POC1B: variants seen among roughly 807,000 people sequenced by gnomAD.
The protein encoded by POC1B is POC1 centriolar protein B, also known as POC1 centriolar protein homolog B.
Under a neutral mutation model 60.6 loss-of-function variants are expected in POC1B, and 44 were observed. The observed-to-expected ratio is 0.73, with a 90% confidence interval of 0.57 to 0.93. The LOEUF is 0.93. Among genes scored for constraint, POC1B ranks in the 40% least tolerant of loss-of-function variants. The pLI is 0.00. For synonymous variants in POC1B, 180 were observed against 198.9 expected (o/e 0.90, Z 0.80); for missense variants, 555 against 572.3 (o/e 0.97, Z 0.31).
rs1882898663 is a variant in POC1B at position 89,471,621 on chromosome 12, A to G, written c.669T>C (p.His223=). Residue 223 remains histidine, a synonymous_variant, in exon 6 of 12, where the codon CAT becomes CAC. Transcript: ENST00000313546. The stretch of plus-strand genomic sequence containing the variant: ...TGTTAGGAAAATTGTTACCTTGGTA[A>G]TGCTGTAGTAATTTGTTCACTCTTA... The part of the protein sequence containing the change: ...WDVRVNKLLQ[H]YQVHSGGVNC... The G allele has an allele frequency of 6.2e-7, 1 of 1,606,346 alleles. No homozygotes were observed. Among genetic ancestry groups the G allele is most frequent in the Non-Finnish European group, 8.5e-7 (1 of 1,174,888 alleles).
intron 10 of POC1B, among the ~76,000 whole-genome samples, chr12:89,452,182 A>C (rs554884495): frequency 2.0e-5 from 3 of 152,236 alleles, no homozygotes; most frequent in Non-Finnish European, 4.4e-5. Flanking sequence ...CAGCTGTGGG[A>C]ACTGGGGATG....
Position 89,522,889 on chromosome 12 carries a change from G to C in POC1B, c.100+2231C>G, listed in dbSNP as rs200159499. 8.1e-6 allele frequency: 13 copies of C among 1,613,298 alleles called. No homozygotes were observed. In the South Asian group the frequency reaches 1.3e-4, roughly 16 times the overall value. Reference sequence around the variant, plus strand: ...CATTTGTACATCAGGTCGGCCCTCCGGTGTCCGATAAGCACTAAGACACAG... The same window carrying C: ...CATTTGTACATCAGGTCGGCCCTCCCGTGTCCGATAAGCACTAAGACACAG... On this transcript the variant is annotated intron_variant, in intron 2 of 11. Transcript: ENST00000313546.
chr12:89,451,623 T>A (rs1392588254), intron 10 of POC1B, among the ~76,000 whole-genome samples: 1 of 152,316 alleles, frequency 6.6e-6, no homozygotes, highest in Non-Finnish European at 1.5e-5. Context: ...TGGGCCTTAA[T>A]AACCAGTTCA....
At chr12:89,491,567 T>C (rs1212718773) in intron 4 of POC1B, among the ~76,000 whole-genome samples, 1 of 140,664 alleles carries the variant, frequency 7.1e-6, no homozygotes, top group African/African-American at 2.7e-5. Flanking sequence ...AAGGTTGCAA[T>C]GAGCAGTAAT....
Position 89,507,343 on chromosome 12 carries a change from T to G in POC1B, c.101-10001A>C, listed in dbSNP as rs55640711. ...CTCTTTACTTCCTTAACCTTCTTTCTTAGGAAAGAACTGTCCTACCAAACC... is the reference window on the plus strand; with the variant it reads ...CTCTTTACTTCCTTAACCTTCTTTCGTAGGAAAGAACTGTCCTACCAAACC... On this transcript the variant is annotated intron_variant, in intron 2 of 11. Transcript: ENST00000313546. 1.2e-3 allele frequency among the ~76,000 whole-genome samples: 187 copies of G among 151,728 alleles called. 1 individual carries two copies. The highest frequency in any genetic ancestry group is 2.1e-3 in the Admixed American group (32 of 15,230).
At chr12:89,414,760 T>G (rs567909448), downstream of POC1B, among the ~76,000 whole-genome samples, 50 of 150,916 alleles carry the variant, frequency 3.3e-4, no homozygotes, top group African/African-American at 1.1e-3. Flanking sequence ...TTAGAATAAC[T>G]GTTTTTTTTG....
rs573976025 is a variant in POC1B, at chr12:89,429,663, C to T, written c.1114-4284G>A. On this transcript the variant is annotated intron_variant, in intron 10 of 11. Transcript: ENST00000313546. The stretch of plus-strand genomic sequence containing the variant: ...GCCCGCTCTCAAGGATTCCCTGTTG[C>T]GATGAGAGAATTCAGACCAGGCAGG... 7.2e-5 allele frequency among the ~76,000 whole-genome samples: 11 copies of T among 152,290 alleles called. No individual in the cohort carries two copies. The South Asian group carries it at 8.3e-4, about 11-fold the overall frequency.
intron 2 of POC1B, chr12:89,501,583 G>A: frequency 7.3e-7 from 1 of 1,371,222 alleles, no homozygotes; most frequent in Non-Finnish European, 9.9e-7. Context: ...AGATAAGGAA[G>A]AATCTAAAAA....
At chr12:89,517,632 CAA>C (rs113256657) in intron 2 of POC1B, among the ~76,000 whole-genome samples, 8 of 139,236 alleles carry the variant, frequency 5.7e-5, no homozygotes, top group Non-Finnish European at 4.7e-5. Flanking sequence ...GACTTGGTCT[CAA>C]AAAAAAAAAA....
At chr12:89,469,870 T>A (rs1340669966) in intron 7 of POC1B, among the ~76,000 whole-genome samples, 3 of 95,570 alleles carry the variant, frequency 3.1e-5, no homozygotes, top group Non-Finnish European at 6.6e-5. Flanking sequence ...TATTTCTTTT[T>A]TTCTTCCATT....
At chr12:89,478,530 C>A (rs1002969266) in intron 4 of POC1B, among the ~76,000 whole-genome samples, 3 of 152,008 alleles carry the variant, frequency 2.0e-5, no homozygotes, top group Non-Finnish European at 2.9e-5. Flanking sequence ...AGACACAGTG[C>A]CTGGCACTGA....
intron 2 of POC1B, among the ~76,000 whole-genome samples, chr12:89,504,805 T>C (rs903922431): frequency 6.6e-6 from 1 of 152,128 alleles, no homozygotes; most frequent in African/African-American, 2.4e-5. Context: ...ACAGAATCTA[T>C]AAAGAATGCT....
the POC1B span, among the ~76,000 whole-genome samples, chr12:89,410,678 CAA>C: frequency 4.4e-5 from 6 of 134,894 alleles, no homozygotes; most frequent in Non-Finnish European, 3.1e-5. Flanking sequence ...GACTCCGTCT[CAA>C]AAAAAAAAAA....
chr12:89,429,430 T>C (rs1880930510), intron 10 of POC1B: 1 of 152,098 alleles, frequency 6.6e-6, no homozygotes, highest in Non-Finnish European at 1.5e-5. Context: ...TCATAAGTAT[T>C]TTTTAAAAAG....
the POC1B span, among the ~76,000 whole-genome samples, chr12:89,408,885 C>CT: frequency 6.6e-6 from 1 of 152,150 alleles, no homozygotes; most frequent in African/African-American, 2.4e-5. Flanking sequence ...TGATGATGAG[C>CT]TTTTTTTCAT....
intron 2 of POC1B, chr12:89,524,445 G>A (rs1460945195): frequency 5.0e-6 from 8 of 1,613,722 alleles, no homozygotes; most frequent in Non-Finnish European, 6.8e-6. Flanking sequence ...CGGCTCCTGC[G>A]GAGGCATGAA....
At chr12:89,485,872 C>A (rs1868609102) in intron 4 of POC1B, among the ~76,000 whole-genome samples, 1 of 152,198 alleles carries the variant, frequency 6.6e-6, no homozygotes, top group Admixed American at 6.5e-5. Flanking sequence ...TGACCCTTTC[C>A]CACCCTGTAG....
At chr12:89,512,148 T>C (rs1353888900) in intron 2 of POC1B, among the ~76,000 whole-genome samples, 2 of 152,208 alleles carry the variant, frequency 1.3e-5, no homozygotes, top group Non-Finnish European at 2.9e-5. Flanking sequence ...TACTGTAATA[T>C]GGTCAGAAGT....
intron 10 of POC1B, among the ~76,000 whole-genome samples, chr12:89,449,815 C>G (rs1881966766): frequency 6.6e-6 from 1 of 151,870 alleles, no homozygotes; most frequent in Non-Finnish European, 1.5e-5. Context: ...GATAATGGAT[C>G]AAGAACAAAT....
Sources: allele counts gnomAD v4.1 joint callset (sites outside exome capture counted in the v4.1 genomes callset), GRCh38; gene constraint gnomAD v4.1.1; transcripts MANE v1.5; gene names NCBI Gene and HGNC (gene_info 2026-07-23, HGNC 2026-07-21).